NACAD: variants seen among roughly 807,000 people sequenced by gnomAD.
The protein encoded by NACAD is NAC alpha domain containing.
In NACAD, 47 loss-of-function variants were observed where a neutral mutation model predicts 98.9. The ratio of observed to expected loss-of-function variants is 0.48; its 90% CI spans 0.38 to 0.61. The LOEUF (loss-of-function observed/expected upper bound fraction) is 0.61. NACAD is among the 20% of genes least tolerant of loss of function. The pLI, the probability that NACAD is intolerant of heterozygous loss-of-function variation, is 0.00. For missense variants in NACAD, 1,412 were observed against 1,748.2 expected (o/e 0.81, Z 3.43); for synonymous variants, 696 against 767.2 (o/e 0.91, Z 1.53).
chr7:45,085,573 C>T lies in NACAD; in HGVS notation c.607G>A (p.Glu203Lys). The T allele has an allele frequency of 1.9e-6, 3 of 1,550,204 alleles. No homozygotes were observed. The highest frequency in any genetic ancestry group is 2.6e-6 in the Non-Finnish European group (3 of 1,146,826). Residue 203 changes from glutamate (E) to lysine (K), a missense_variant, in exon 2 of 8, where the codon GAG becomes AAG. Physicochemically the swap from Glu to Lys is moderately conservative, Grantham distance 56 (BLOSUM62 1). Transcript: ENST00000490531. This position sits in a 1 kb window ranked among gnomAD's most constrained non-coding sequence, Gnocchi z 6.1. ...GAGTCCAGCAGCTCATCCCGCAGCT[C>T]AGCCTCTGAGTCCCTGGCGTCCCCG... ...PHGDARDSEA[E>K]LRDELLDSPP... is the part of the protein sequence containing the mutation.
In NACAD at chr7:45,084,711, A is replaced by C; in HGVS notation, c.1469T>G (p.Val490Gly). 6.4e-7 allele frequency: 1 copy of C among 1,550,846 alleles called. No individual in the cohort carries two copies. Among genetic ancestry groups the C allele is most frequent in the African/African-American group, 1.4e-5 (1 of 72,998 alleles). The change falls in exon 2 of 8, where the codon GTA becomes GGA. Residue 490 changes from valine (V) to glycine (G), a missense_variant. Coordinates refer to ENST00000490531, the MANE Select transcript of NACAD (RefSeq NM_001146334.2). ...TATVTPHTLQ[V>G]APGLQVEVAT... ...CACCTCCACCTGGAGGCCTGGGGCT[A>C]CCTGCAGAGTGTGAGGGGTCACAGT...
Position 45,083,182 on chromosome 7 carries a change from G to T in NACAD, c.2998C>A (p.Gln1000Lys). 1 of 1,550,886 alleles carries T rather than the reference G, an allele frequency of 6.4e-7. No individual in the cohort carries two copies. The highest frequency in any genetic ancestry group is 8.7e-7 in the Non-Finnish European group (1 of 1,146,988). The change falls in exon 2 of 8, where the codon CAG becomes AAG. Residue 1000 changes from glutamine (Q) to lysine (K), a missense_variant. This residue lies in a region of NACAD where 572 missense variants were observed against 639.6 expected (regional missense o/e 0.89). Coordinates refer to ENST00000490531, the MANE Select transcript of NACAD (RefSeq NM_001146334.2). Reference protein sequence around the residue: ...PEPAALDQVQQDDPQPAAEAG... With the variant: ...PEPAALDQVQKDDPQPAAEAG... Reference sequence around the variant, plus strand: ...TCTGCAGCTGGCTGTGGGTCATCCTGTTGGACCTGGTCCAAGGCTGCAGGC... The same window carrying T: ...TCTGCAGCTGGCTGTGGGTCATCCTTTTGGACCTGGTCCAAGGCTGCAGGC...
At position 45,085,717 on chromosome 7, in the gene NACAD, G is replaced by C; in HGVS notation, c.463C>G (p.Leu155Val). ...GHASPDPPPELCSQGDLSVPS... is the reference protein window; with the variant it reads ...GHASPDPPPEVCSQGDLSVPS... ...ACAGAAAGATCACCCTGAGAACACA[G>C]CTCGGGGGGTGGGTCTGGGCTTGCG... Residue 155 changes from leucine (L) to valine (V), a missense_variant, in exon 2 of 8, where the codon CTG becomes GTG. Coordinates refer to ENST00000490531, the MANE Select transcript of NACAD (RefSeq NM_001146334.2). This position sits in a 1 kb window ranked among gnomAD's most constrained non-coding sequence, Gnocchi z 6.1. The C allele has an allele frequency of 6.5e-7, 1 of 1,550,040 alleles. No individual in the cohort carries two copies. The highest frequency in any genetic ancestry group is 8.7e-7 in the Non-Finnish European group (1 of 1,146,868).
chr7:45,080,962 C>G lies in NACAD; in HGVS notation c.4465G>C (p.Glu1489Gln), dbSNP rs1784420976. Residue 1489 changes from glutamate (E) to glutamine (Q), a missense_variant, in exon 6 of 8, where the codon GAG becomes CAG. Glu to Gln is a conservative substitution (Grantham distance 29). This residue lies in a region of NACAD where 88 missense variants were observed against 105.4 expected (regional missense o/e 0.84). Transcript: ENST00000490531. ...AAAEKFKVPS[E>Q]PSALVPESAP... ...GACTCAGGGACCAAGGCTGAGGGCT[C>G]TGAGGGCACCTTAAACTTCTCAGCT... The G allele has an allele frequency of 6.4e-7, 1 of 1,551,914 alleles. No individual in the cohort carries two copies. The highest frequency in any genetic ancestry group is 2.0e-5 in the Admixed American group (1 of 50,996).
At chr7:45,080,570 CCAA>C in intron 7 of NACAD, 47 bp from the exon 8 acceptor site, 1 of 1,551,398 alleles carries the variant, frequency 6.4e-7, no homozygotes, top group Non-Finnish European at 8.7e-7. Flanking sequence ...CGCAGTGGAG[CCAA>C]CATCAGGACC....
chr7:45,081,918 G>A, intron 2 of NACAD, 51 bp from the exon 3 acceptor site: 2 of 1,515,392 alleles, frequency 1.3e-6, no homozygotes, highest in Non-Finnish European at 8.9e-7. Context: ...AGGTGGCGGG[G>A]AAGGGGGTTC....
rs1473538546 is a variant in NACAD, at chr7:45,082,728, G to C, written c.3452C>G (p.Ser1151Cys). The C allele has an allele frequency of 4.6e-6, 7 of 1,537,702 alleles. No individual in the cohort carries two copies. The South Asian group carries it at 8.6e-5, about 19-fold the overall frequency. ...SAVATEASLDSCPESSVGAVS... is the reference protein window; with the variant it reads ...SAVATEASLDCCPESSVGAVS... ...AGCCCCTACTGAAGACTCTGGGCAG[G>C]AGTCCAGACTGGCCTCTGTGGCCAC... The change falls in exon 2 of 8, where the codon TCC becomes TGC. Residue 1151 changes from serine (S) to cysteine (C), a missense_variant. This residue lies in a region of NACAD where 572 missense variants were observed against 639.6 expected (regional missense o/e 0.89). Coordinates refer to ENST00000490531, the MANE Select transcript of NACAD (RefSeq NM_001146334.2). This position sits in a 1 kb window ranked among gnomAD's most constrained non-coding sequence, Gnocchi z 4.5.
At position 45,081,714 on chromosome 7, in the gene NACAD, G is replaced by A. The variant is rs1431905807; in HGVS notation, c.4185+41C>T. 3.2e-6 allele frequency: 5 copies of A among 1,550,936 alleles called. No individual in the cohort carries two copies. The African/African-American group carries it at 5.5e-5, about 17-fold the overall frequency. ...GCTGAGCATCCATGGGTGGGGTGTG[G>A]GGCCCTCCCAGAGGCCCACCCTCTT... On this transcript the variant is annotated intron_variant, in intron 3 of 7. Coordinates refer to ENST00000490531, the MANE Select transcript of NACAD (RefSeq NM_001146334.2).
At position 45,086,082 on chromosome 7, in the gene NACAD, G is replaced by A. The variant is rs752627670; in HGVS notation, c.98C>T (p.Thr33Ile). Residue 33 changes from threonine (T) to isoleucine (I), a missense_variant, in exon 2 of 8, where the codon ACC (threonine) becomes ATC (isoleucine). By Grantham distance (89) the Thr-to-Ile change is moderately conservative. Transcript: ENST00000490531. ...CTCCCGCCGGTCCCCTCCCAGGATGGTGGTGGCAGCGGCCGCATCGCAGGA... is the reference window on the plus strand; with the variant it reads ...CTCCCGCCGGTCCCCTCCCAGGATGATGGTGGCAGCGGCCGCATCGCAGGA... Reference protein sequence around the residue: ...DLSCDAAAATTILGGDRREPC... With the variant: ...DLSCDAAAATIILGGDRREPC... 1 of 1,536,146 alleles carries A rather than the reference G, an allele frequency of 6.5e-7. No homozygotes were observed. The highest frequency in any genetic ancestry group is 1.2e-5 in the South Asian group (1 of 84,062).
intron 4 of NACAD, 59 bp from the exon 5 acceptor site, chr7:45,081,322 G>A: frequency 6.5e-7 from 1 of 1,532,640 alleles, no homozygotes; most frequent in South Asian, 1.2e-5. Flanking sequence ...CGGGGGAGGA[G>A]AGCAGCACAG....
Position 45,085,449 on chromosome 7 carries a change from C to T in NACAD, c.731G>A (p.Gly244Glu), listed in dbSNP as rs1172781999. Residue 244 changes from glycine (G) to glutamate (E), a missense_variant, in exon 2 of 8, where the codon GGG (glycine) becomes GAG (glutamate). Physicochemically the swap from Gly to Glu is moderately conservative, Grantham distance 98. This residue lies in a region of NACAD where 638 missense variants were observed against 722.7 expected (regional missense o/e 0.88). Coordinates refer to ENST00000490531, the MANE Select transcript of NACAD (RefSeq NM_001146334.2). The surrounding 1 kb of genome is among the most constrained non-coding windows in gnomAD (Gnocchi z 6.1). ...CSLSLLAPAE[G>E]LDFPSGWGLS... ...GCCCCAGCCTGAGGGGAAGTCCAGC[C>T]CTTCAGCCGGAGCCAGCAGGCTGAG... The T allele has an allele frequency of 1.9e-6, 3 of 1,549,422 alleles. No homozygotes were observed. The African/African-American group carries it at 4.1e-5, about 21-fold the overall frequency.
rs10243185 is a variant in NACAD, at chr7:45,082,865, A to C, written c.3315T>G (p.Asp1105Glu). 651,478 of 1,549,996 alleles carry C rather than the reference A, an allele frequency of 0.42. 141,616 individuals are homozygous for C. Among genetic ancestry groups the C allele is most frequent in the African/African-American group, 0.66 (48,428 of 73,056 alleles). Residue 1105 changes from aspartate (D) to glutamate (E), a missense_variant, in exon 2 of 8, where the codon GAT becomes GAG. By Grantham distance (45) the Asp-to-Glu change is conservative (BLOSUM62 2). Around this residue, in one of 5 missense-constraint regions of NACAD, gnomAD observed 572 missense variants for 639.6 expected, o/e 0.89. Transcript: ENST00000490531. The surrounding 1 kb of genome is among the most constrained non-coding windows in gnomAD (Gnocchi z 4.5). ...SALGGAREVP[D>E]APPAACPEVS... The stretch of plus-strand genomic sequence containing the variant: ...CCTCAGGGCAGGCAGCAGGAGGCGC[A>C]TCGGGGACCTCCCTTGCACCTCCAA...
chr7:45,081,661 G>C lies in NACAD; in HGVS notation c.4197C>G (p.Gly1399=). Residue 1399 remains glycine (G), a synonymous_variant, in exon 4 of 8, where the codon GGC becomes GGG. Coordinates refer to ENST00000490531, the MANE Select transcript of NACAD (RefSeq NM_001146334.2). ...CTTTGGCGATGGTCTCCTCACTGCC[G>C]CCTGCTGGGGCCTGAGAAAAGGTGA... ...TVQCPAQAPA[G]GSEETIAKAK... The C allele has an allele frequency of 6.4e-7, 1 of 1,551,400 alleles. No individual in the cohort carries two copies. The highest frequency in any genetic ancestry group is 2.4e-5 in the East Asian group (1 of 40,902).
rs1187254542 is a variant in NACAD at position 45,088,327 on chromosome 7, C to T, written c.67+501G>A. ...TTATTCCACCACCTGGCCCTCCATC[C>T]GGGCTTCCTAGGCTCTGGCCAGTCC... On this transcript the variant is annotated intron_variant, in intron 1 of 7. Coordinates refer to ENST00000490531, the MANE Select transcript of NACAD (RefSeq NM_001146334.2). The surrounding 1 kb of genome is among the most constrained non-coding windows in gnomAD (Gnocchi z 5.7). 6.6e-6 allele frequency among the ~76,000 whole-genome samples: 1 copy of T among 152,212 alleles called. No individual in the cohort carries two copies. Among genetic ancestry groups the T allele is most frequent in the Non-Finnish European group, 1.5e-5 (1 of 68,032 alleles).
In NACAD at chr7:45,081,688, G is replaced by A. The variant is rs1437232285; in HGVS notation, c.4186-16C>T. 1 of 1,551,400 alleles carries A rather than the reference G, an allele frequency of 6.4e-7. No homozygotes were observed. On this transcript the variant is annotated splice_polypyrimidine_tract_variant and intron_variant, in intron 3 of 7. Transcript: ENST00000490531. Reference sequence around the variant, plus strand: ...CTGCTGGGGCCTGAGAAAAGGTGAGGGCTGAGCATCCATGGGTGGGGTGTG... The same window carrying A: ...CTGCTGGGGCCTGAGAAAAGGTGAGAGCTGAGCATCCATGGGTGGGGTGTG...
intron 1 of NACAD, among the ~76,000 whole-genome samples, chr7:45,087,915 T>C (rs1307872510): frequency 6.6e-6 from 1 of 152,110 alleles, no homozygotes; most frequent in Non-Finnish European, 1.5e-5. Context: ...CCAAAGGTTT[T>C]TATAACTCAT....
At chr7:45,086,742 C>CG (rs1442296004) in intron 1 of NACAD, among the ~76,000 whole-genome samples, 1 of 152,246 alleles carries the variant, frequency 6.6e-6, no homozygotes, top group Non-Finnish European at 1.5e-5. Context: ...GGCCACCACA[C>CG]GCAGCCAAGT....
At position 45,082,309 on chromosome 7, in the gene NACAD, G is replaced by A; in HGVS notation, c.3871C>T (p.Leu1291=). 1 of 1,550,490 alleles carries A rather than the reference G, an allele frequency of 6.4e-7. No homozygotes were observed. The highest frequency in any genetic ancestry group is 8.7e-7 in the Non-Finnish European group (1 of 1,146,978). The change falls in exon 2 of 8, where the codon CTG becomes TTG. Residue 1291 remains leucine (L), a synonymous_variant. Transcript: ENST00000490531. The surrounding 1 kb of genome is among the most constrained non-coding windows in gnomAD (Gnocchi z 4.5). Reference sequence around the variant, plus strand: ...AGGCTGACTCGCGGCCCAGTCCCCAGAGGCTGTGTGGTTCCTGAGACAGCA... The same window carrying A: ...AGGCTGACTCGCGGCCCAGTCCCCAAAGGCTGTGTGGTTCCTGAGACAGCA... ...AAAVSGTTQP[L]GTGPRVSLSP... is the part of the protein sequence containing the mutation.
Position 45,084,320 on chromosome 7 carries a change from C to G in NACAD, c.1860G>C (p.Val620=). The G allele has an allele frequency of 7.2e-7, 1 of 1,394,576 alleles. No homozygotes were observed. Among genetic ancestry groups the G allele is most frequent in the Non-Finnish European group, 9.5e-7 (1 of 1,054,300 alleles). 86.4% of individuals were successfully genotyped at this position (1,394,576 alleles called of 1,614,324 possible). A position where few individuals can be genotyped will look rare whatever the true frequency, so the allele number is the denominator to read the frequency against. ...DTDLSSAPKP[V]AAATIVSQQA... is the part of the protein sequence containing the mutation. ...GCTGGGACACAATCGTGGCTGCAGC[C>G]ACAGGCTTTGGGGCTGATGAGAGAT... The change falls in exon 2 of 8, where the codon GTG becomes GTC. Residue 620 remains valine (V), a synonymous_variant. Transcript: ENST00000490531.
Sources: allele counts gnomAD v4.1 joint callset (sites outside exome capture counted in the v4.1 genomes callset), GRCh38; gene constraint gnomAD v4.1.1; regional missense constraint gnomAD v4.1.1; non-coding constraint Gnocchi (gnomAD v3.1); transcripts MANE v1.5; gene names NCBI Gene and HGNC (gene_info 2026-07-23, HGNC 2026-07-21).